TRMT2B: variants seen among roughly 807,000 people sequenced by gnomAD.
The protein encoded by TRMT2B is tRNA (uracil-5-)-methyltransferase homolog B.
In TRMT2B, 34 loss-of-function variants were observed where a neutral mutation model predicts 39.7. That is an observed-to-expected ratio of 0.86 (90% CI 0.65 to 1.14). The LOEUF (loss-of-function observed/expected upper bound fraction) is 1.14. Among genes scored for constraint, TRMT2B ranks in the 50% most tolerant of loss-of-function variants. The pLI is 0.00. For missense variants in TRMT2B, 318 were observed against 377.2 expected (o/e 0.84, Z 1.30); for synonymous variants, 132 against 137.3 (o/e 0.96, Z 0.27).
intron 10 of TRMT2B, 68 bp from the exon 11 acceptor site, chrX:101,020,656 TGTTTA>T (rs1225572754): frequency 2.7e-5 from 24 of 885,961 alleles, no homozygotes; most frequent in South Asian, 1.4e-4. Flanking sequence ...GTTTGTTTTT[TGTTTA>T]GTTTAGTTTA....
the TRMT2B span, among the ~76,000 whole-genome samples, chrX:100,985,150 A>G: frequency 8.9e-6 from 1 of 112,042 alleles, no homozygotes; most frequent in Non-Finnish European, 1.9e-5. Flanking sequence ...AGGCAGAGAG[A>G]ATGGCATCTT....
chrX:101,010,600 A>C lies in TRMT2B; in HGVS notation c.1496T>G (p.Val499Gly). The C allele has an allele frequency of 8.3e-7, 1 of 1,211,595 alleles. No individual in the cohort carries two copies. The highest frequency in any genetic ancestry group is 1.1e-6 in the Non-Finnish European group (1 of 895,405). Residue 499 changes from valine (V) to glycine (G), a missense_variant, in exon 14 of 14, where the codon GTG becomes GGG. Val to Gly is a moderately radical substitution (Grantham distance 109, BLOSUM62 -3). Coordinates refer to ENST00000372936, the MANE Select transcript of TRMT2B (RefSeq NM_024917.6). ...LFPHTPHCEL[V>G]LLFTR The stretch of plus-strand genomic sequence containing the variant: ...GGCTGCTTATCGAGTAAAGAGGAGC[A>C]CCAGCTCACAATGTGGGGTGTGAGG...
chrX:101,026,286 G>A lies in TRMT2B; in HGVS notation c.610-2670C>T, dbSNP rs777081267. 2.0e-3 allele frequency among the ~76,000 whole-genome samples: 220 copies of A among 109,739 alleles called. 4 individuals carry two copies. The highest frequency in any genetic ancestry group is 6.9e-3 in the African/African-American group (209 of 30,148). ...GAGGTCAGGAGTTTGAGACCAGCCC[G>A]GGCAACATGGTAAAACTCCATCTCT... is the stretch of plus-strand genomic sequence containing the variant. On this transcript the variant is annotated intron_variant, in intron 7 of 13. Transcript: ENST00000372936.
At chrX:101,011,703 G>T (rs1018388382) in intron 13 of TRMT2B, among the ~76,000 whole-genome samples, 1 of 111,476 alleles carries the variant, frequency 9.0e-6, no homozygotes, top group African/African-American at 3.3e-5. Flanking sequence ...AGACCAGCCG[G>T]GGCCACATGA....
chrX:100,995,253 G>A, the TRMT2B span, among the ~76,000 whole-genome samples: 2 of 111,411 alleles, frequency 1.8e-5, no homozygotes, highest in African/African-American at 3.3e-5. Flanking sequence ...CCCTCATCCC[G>A]CTGTATTTTT....
chrX:101,014,646 C>G (rs903298733), intron 13 of TRMT2B, among the ~76,000 whole-genome samples: 3 of 110,465 alleles, frequency 2.7e-5, no homozygotes, highest in African/African-American at 9.9e-5. Context: ...CTCAAGCGAT[C>G]CGCCTATCTC....
At chrX:101,024,647 A>G (rs759582900) in intron 7 of TRMT2B, among the ~76,000 whole-genome samples, 2 of 111,257 alleles carry the variant, frequency 1.8e-5, no homozygotes, top group Admixed American at 9.6e-5. Flanking sequence ...CAACATGGCA[A>G]CCCCGTCTCT....
chrX:100,987,358 G>C, the TRMT2B span: 1 of 1,203,423 alleles, frequency 8.3e-7, no homozygotes, highest in Middle Eastern at 2.4e-4. Flanking sequence ...CCAGGCTCCA[G>C]GTCTGCAGCC....
At chrX:101,041,498 C>T in intron 3 of TRMT2B, 127 bp from the exon 4 acceptor site, 1 of 598,841 alleles carries the variant, frequency 1.7e-6, no homozygotes, top group East Asian at 3.7e-5. Context: ...GGAGAAGAGC[C>T]CATTTTGATG....
intron 2 of TRMT2B, among the ~76,000 whole-genome samples, chrX:101,042,776 AG>A (rs1428984640): frequency 9.0e-6 from 1 of 111,621 alleles, no homozygotes; most frequent in Non-Finnish European, 1.9e-5. Flanking sequence ...TGCTCAGAAA[AG>A]GCTTCCCAGA....
chrX:100,991,441 T>C, the TRMT2B span, among the ~76,000 whole-genome samples: 886 of 111,012 alleles, frequency 8.0e-3, 14 homozygotes, highest in African/African-American at 0.028. Flanking sequence ...TGCAGCGGCG[T>C]GATCTCGACT....
intron 7 of TRMT2B, among the ~76,000 whole-genome samples, chrX:101,027,139 T>G (rs1262885188): frequency 9.0e-6 from 1 of 111,665 alleles, no homozygotes; most frequent in Non-Finnish European, 1.9e-5. Flanking sequence ...CTCACTTCCT[T>G]GACCTATCGG....
chrX:100,980,277 T>G, the TRMT2B span, among the ~76,000 whole-genome samples: 1 of 106,895 alleles, frequency 9.4e-6, no homozygotes, highest in Non-Finnish European at 1.9e-5. Context: ...GCTTGGTGCT[T>G]TATTTTACTG....
At chrX:100,973,571 C>A in the TRMT2B span, 1 of 954,176 alleles carries the variant, frequency 1.0e-6, no homozygotes, top group East Asian at 3.2e-5. Flanking sequence ...TCTAACAATC[C>A]CAGGCTTTCT....
intron 7 of TRMT2B, among the ~76,000 whole-genome samples, chrX:101,026,863 G>A (rs1330314188): frequency 9.0e-6 from 1 of 111,420 alleles, no homozygotes; most frequent in African/African-American, 3.3e-5. Context: ...GCTCAGTACT[G>A]GATCATTCCC....
At chrX:100,990,148 G>A in the TRMT2B span, among the ~76,000 whole-genome samples, 5 of 111,616 alleles carry the variant, frequency 4.5e-5, no homozygotes, top group East Asian at 1.4e-3. Flanking sequence ...AAGGGCAGAG[G>A]GGAGAGAGCA....
At chrX:100,980,475 C>A in the TRMT2B span, among the ~76,000 whole-genome samples, 2 of 110,724 alleles carry the variant, frequency 1.8e-5, no homozygotes, top group Non-Finnish European at 3.8e-5. Flanking sequence ...TGGGTCTCTC[C>A]CTTCAGGGCA....
the TRMT2B span, chrX:100,974,318 A>G: frequency 8.3e-6 from 4 of 480,403 alleles, no homozygotes; most frequent in African/African-American, 7.4e-5. Flanking sequence ...TTTGTGCATA[A>G]ACACCTCCTA....
At chrX:101,014,273 G>A (rs2086408180) in intron 13 of TRMT2B, among the ~76,000 whole-genome samples, 1 of 111,668 alleles carries the variant, frequency 9.0e-6, no homozygotes, top group African/African-American at 3.2e-5. Flanking sequence ...AAGACTAGGG[G>A]TCAGGAGTAA....
Sources: allele counts gnomAD v4.1 joint callset (sites outside exome capture counted in the v4.1 genomes callset), GRCh38; gene constraint gnomAD v4.1.1; transcripts MANE v1.5; gene names NCBI Gene and HGNC (gene_info 2026-07-23, HGNC 2026-07-21).